The following B9D1 variants were observed in gnomAD, a reference collection of about 807,000 sequenced individuals.
B9D1 encodes the protein B9 domain-containing protein 1.
In B9D1, 20 loss-of-function variants were observed where a neutral mutation model predicts 26.1. The ratio of observed to expected loss-of-function variants is 0.77; its 90% CI spans 0.54 to 1.12. The LOEUF is 1.12. Ranked by LOEUF, B9D1 falls within the 50% of genes most tolerant of loss-of-function variation. B9D1 has a pLI of 0.00. For synonymous variants in B9D1, 105 were observed against 103.1 expected, an observed-to-expected ratio of 1.02 and a Z score of -0.11; for missense variants, 260 against 273.7, an observed-to-expected ratio of 0.95 and a Z score of 0.35.
At chr17:19,350,326 A>C (rs1909427381) in intron 3 of B9D1, among the ~76,000 whole-genome samples, 1 of 152,076 alleles carries the variant, frequency 6.6e-6, no homozygotes, top group Non-Finnish European at 1.5e-5. Flanking sequence ...CAGGTGGATC[A>C]TCTGAGGATG....
upstream of B9D1, among the ~76,000 whole-genome samples, chr17:19,365,581 C>T (rs915392794): frequency 2.0e-5 from 3 of 152,238 alleles, no homozygotes; most frequent in Admixed American, 2.0e-4. The surrounding 1 kb of genome is among the most constrained non-coding windows in gnomAD (Gnocchi z 5.0). Context: ...CCTCAGGAGA[C>T]TGAAGCCTCA....
intron 1 of B9D1, chr17:19,371,527 G>A (rs1229838696): frequency 6.6e-6 from 1 of 152,202 alleles, no homozygotes; most frequent in Non-Finnish European, 1.5e-5. Flanking sequence ...ACCAGCTGAT[G>A]GGATTACAAT....
downstream of B9D1, chr17:19,335,193 AC>A (rs1907346922): frequency 5.0e-6 from 2 of 402,894 alleles, no homozygotes; most frequent in Middle Eastern, 6.3e-4. Context: ...AACAACAGCA[AC>A]AAAAAATCCT....
chr17:19,377,262 GA>G (rs1323840932), intron 1 of B9D1, among the ~76,000 whole-genome samples: 2 of 152,210 alleles, frequency 1.3e-5, no homozygotes, highest in African/African-American at 2.4e-5. Context: ...TAGGGGCGAT[GA>G]AAATGTTCCA....
downstream of B9D1, among the ~76,000 whole-genome samples, chr17:19,339,720 ATGC>A (rs1567877576): frequency 6.6e-6 from 1 of 152,066 alleles, no homozygotes; most frequent in African/African-American, 2.4e-5. Flanking sequence ...CTCCCTTATG[ATGC>A]TGCTTTCTTC....
downstream of B9D1, chr17:19,335,458 A>C: frequency 3.9e-6 from 6 of 1,550,156 alleles, no homozygotes; most frequent in Non-Finnish European, 5.2e-6. Context: ...AAATGGAAGA[A>C]ACATCTTTAA....
intron 3 of B9D1, chr17:19,357,571 C>T (rs568574387): frequency 5.7e-5 from 28 of 493,930 alleles, no homozygotes; most frequent in Non-Finnish European, 9.3e-5. Context: ...GGGGAGCCTG[C>T]CTTTTACAGG....
chr17:19,351,512 G>T (rs1282240879), intron 3 of B9D1, among the ~76,000 whole-genome samples: 1 of 152,102 alleles, frequency 6.6e-6, no homozygotes, highest in Non-Finnish European at 1.5e-5. Flanking sequence ...AAAAGCTGGG[G>T]AATGTTTAAT....
chr17:19,341,684 C>T (rs957664221), downstream of B9D1, among the ~76,000 whole-genome samples: 2 of 152,120 alleles, frequency 1.3e-5, no homozygotes, highest in African/African-American at 4.8e-5. Flanking sequence ...CAGACCTGGG[C>T]CATGGATGGA....
intron 5 of B9D1, among the ~76,000 whole-genome samples, chr17:19,346,328 C>T (rs901980669): frequency 6.6e-6 from 1 of 152,248 alleles, no homozygotes; most frequent in African/African-American, 2.4e-5. Flanking sequence ...CCACGGCTCT[C>T]AGAGCTCAGT....
At chr17:19,362,481 C>A (rs1220375214) in intron 1 of B9D1, 26 bp downstream of exon 1, 3 of 1,526,848 alleles carry the variant, frequency 2.0e-6, no homozygotes, top group African/African-American at 1.4e-5. Flanking sequence ...GGGGGGCGGG[C>A]CCCGGCGGGG....
rs368406707 is a variant in B9D1 at position 19,344,015 on chromosome 17, C to T, written c.405-158G>A. Among the ~76,000 whole-genome samples, 7 of 152,358 alleles carry T rather than the reference C, an allele frequency of 4.6e-5. No individual in the cohort carries two copies. The East Asian group carries it at 5.8e-4, about 13-fold the overall frequency. On this transcript the variant is annotated intron_variant, in intron 5 of 6. Coordinates refer to ENST00000261499, the MANE Select transcript of B9D1 (RefSeq NM_015681.6). Reference sequence around the variant, plus strand: ...AGTCAGGCCCTAAGCAGAGCCTTCCCAGTGGCTGGGCTCCAGCGTGGGGTG... The same window carrying T: ...AGTCAGGCCCTAAGCAGAGCCTTCCTAGTGGCTGGGCTCCAGCGTGGGGTG...
At chr17:19,361,783 G>A (rs1276364045) in intron 1 of B9D1, among the ~76,000 whole-genome samples, 4 of 152,186 alleles carry the variant, frequency 2.6e-5, no homozygotes, top group Non-Finnish European at 4.4e-5. Flanking sequence ...AGCCTGGAAG[G>A]ACAGTGTAGT....
chr17:19,362,525 C>A lies in B9D1; in HGVS notation c.45G>T (p.Gly15=). 6.3e-7 allele frequency: 1 copy of A among 1,580,260 alleles called. No individual in the cohort carries two copies. Among genetic ancestry groups the A allele is most frequent in the Non-Finnish European group, 8.6e-7 (1 of 1,163,346 alleles). Residue 15 remains glycine (G), a synonymous_variant, in exon 1 of 7, where the codon GGG becomes GGT. Transcript: ENST00000261499. Reference sequence around the variant, plus strand: ...CGCTCACCTGGGCGCTCTCCACCTGCCCGTTGACCATGAGTAGAAAGACGC... The same window carrying A: ...CGCTCACCTGGGCGCTCTCCACCTGACCGTTGACCATGAGTAGAAAGACGC... ...SPSVFLLMVN[G]QVESAQFPEY... is the part of the protein sequence containing the mutation.
chr17:19,337,040 T>C (rs547796357), downstream of B9D1, among the ~76,000 whole-genome samples: 1 of 152,218 alleles, frequency 6.6e-6, no homozygotes, highest in African/African-American at 2.4e-5. Flanking sequence ...TTGGATGAGG[T>C]GGAAGTGACA....
At chr17:19,343,672 G>A (rs750602664) in intron 6 of B9D1, 118 bp downstream of exon 6, 19 of 1,606,658 alleles carry the variant, frequency 1.2e-5, no homozygotes, top group Non-Finnish European at 1.4e-5. Flanking sequence ...GGGAACATTT[G>A]TGGGCTAGCT....
chr17:19,342,318 A>AGAT (rs1023734670), downstream of B9D1, among the ~76,000 whole-genome samples: 4 of 152,138 alleles, frequency 2.6e-5, no homozygotes, highest in South Asian at 2.1e-4. Flanking sequence ...AGTGCTCGTG[A>AGAT]GATAAAAGGC....
At chr17:19,377,104 T>C (rs1025655663) in intron 1 of B9D1, among the ~76,000 whole-genome samples, 2 of 152,212 alleles carry the variant, frequency 1.3e-5, no homozygotes, top group African/African-American at 4.8e-5. Context: ...TCCTGAAATG[T>C]ATAAAGGCTG....
chr17:19,342,265 G>T (rs1028132849), downstream of B9D1, among the ~76,000 whole-genome samples: 3 of 152,160 alleles, frequency 2.0e-5, no homozygotes, highest in Admixed American at 2.0e-4. Flanking sequence ...GACAACAGAC[G>T]ATGAGTTTCA....
Sources: gnomAD v4.1 joint callset for allele counts (sites outside exome capture counted in the v4.1 genomes callset) on GRCh38, gnomAD v4.1.1 for gene constraint, Gnocchi (gnomAD v3.1) non-coding constraint, MANE v1.5 for transcripts, NCBI Gene and HGNC (gene_info 2026-07-23, HGNC 2026-07-21) for gene names.